SLC27A4: variants seen among roughly 807,000 people sequenced by gnomAD.
SLC27A4 encodes the protein solute carrier family 27 member 4.
Under a neutral mutation model 64.4 loss-of-function variants are expected in SLC27A4, and 33 were observed. The ratio of observed to expected loss-of-function variants is 0.51; its 90% CI spans 0.39 to 0.68. The LOEUF is 0.68. Among genes scored for constraint, SLC27A4 ranks in the 30% least tolerant of loss-of-function variants. The pLI is 0.00. For missense variants in SLC27A4, 824 were observed against 883.5 expected, an observed-to-expected ratio of 0.93 and a Z score of 0.85; for synonymous variants, 377 against 370.0, an observed-to-expected ratio of 1.02 and a Z score of -0.22.
intron 6 of SLC27A4, among the ~76,000 whole-genome samples, chr9:128,351,504 G>T (rs1278185466): frequency 6.6e-6 from 1 of 151,862 alleles, no homozygotes; most frequent in Non-Finnish European, 1.5e-5. Flanking sequence ...GGATCACGAG[G>T]TCAGGAGTTC....
In SLC27A4 at chr9:128,345,545, C is replaced by A; in HGVS notation, c.552C>A (p.Ala184=). The A allele has an allele frequency of 6.2e-7, 1 of 1,603,414 alleles. No individual in the cohort carries two copies. The highest frequency in any genetic ancestry group is 2.2e-5 in the East Asian group (1 of 44,696). ...CCCTTGTCTTTGGCAGCGAAATGGCCTCAGGTGAGCCCCAAGGGGGCGGGG... is the reference window on the plus strand; with the variant it reads ...CCCTTGTCTTTGGCAGCGAAATGGCATCAGGTGAGCCCCAAGGGGGCGGGG... ...ARALVFGSEM[A]SAICEVHASL... is the part of the protein sequence containing the mutation. The change falls in exon 3 of 13, where the codon GCC becomes GCA. Residue 184 remains alanine (A), a synonymous_variant. Transcript: ENST00000300456. The surrounding 1 kb of genome is among the most constrained non-coding windows in gnomAD (Gnocchi z 4.1).
intron 12 of SLC27A4, among the ~76,000 whole-genome samples, chr9:128,359,245 T>C (rs1483942386): frequency 6.6e-6 from 1 of 152,138 alleles, no homozygotes; most frequent in African/African-American, 2.4e-5. Context: ...TCCTAGCACT[T>C]TGGGAGGCTG....
chr9:128,345,233 T>G lies in SLC27A4; in HGVS notation c.240T>G (p.Phe80Leu), dbSNP rs1266990045. Residue 80 changes from phenylalanine (F) to leucine (L), a missense_variant, in exon 3 of 13, where the codon TTT (phenylalanine) becomes TTG (leucine). By Grantham distance (22) the Phe-to-Leu change is conservative (BLOSUM62 0). Coordinates refer to ENST00000300456, the MANE Select transcript of SLC27A4 (RefSeq NM_005094.4). This position sits in a 1 kb window ranked among gnomAD's most constrained non-coding sequence, Gnocchi z 4.1. Reference sequence around the variant, plus strand: ...AGCGGCGGACAGTGCCCATTTTGTTTGCCTCTACCGTTCGGCGCCACCCCG... The same window carrying G: ...AGCGGCGGACAGTGCCCATTTTGTTGGCCTCTACCGTTCGGCGCCACCCCG... Reference protein sequence around the residue: ...LQERRTVPILFASTVRRHPDK... With the variant: ...LQERRTVPILLASTVRRHPDK... 2 of 1,613,802 alleles carry G rather than the reference T, an allele frequency of 1.2e-6. No individual in the cohort carries two copies. Among genetic ancestry groups the G allele is most frequent in the Admixed American group, 3.3e-5 (2 of 60,006 alleles).
At chr9:128,358,761 A>G (rs1832856765) in intron 12 of SLC27A4, among the ~76,000 whole-genome samples, 1 of 152,124 alleles carries the variant, frequency 6.6e-6, no homozygotes, top group Non-Finnish European at 1.5e-5. Context: ...TTAATAATTT[A>G]AATGTAAATA....
intron 9 of SLC27A4, 35 bp from the exon 10 acceptor site, chr9:128,355,018 C>A (rs75751441): frequency 6.2e-7 from 1 of 1,601,336 alleles, no homozygotes; most frequent in Non-Finnish European, 8.5e-7. Flanking sequence ...GAGAGGCTGC[C>A]TAGGGCAGAT....
intron 1 of SLC27A4, chr9:128,342,763 TAAAA>T: frequency 3.3e-6 from 1 of 307,088 alleles, no homozygotes; most frequent in Non-Finnish European, 6.3e-6. Flanking sequence ...TTTAAAAACT[TAAAA>T]AAAAAAAGAA....
intron 4 of SLC27A4, among the ~76,000 whole-genome samples, chr9:128,349,135 C>A (rs1832699066): frequency 6.6e-6 from 1 of 152,142 alleles, no homozygotes; most frequent in Admixed American, 6.5e-5. Flanking sequence ...CAGCTGTGAT[C>A]CTCTCCCAGC....
Position 128,340,725 on chromosome 9 carries a change from C to T in SLC27A4, c.-120C>T, listed in dbSNP as rs575118505. 2 of 622,474 alleles carry T rather than the reference C, an allele frequency of 3.2e-6. No individual in the cohort carries two copies. The highest frequency in any genetic ancestry group is 3.4e-5 in the East Asian group (1 of 29,824). 38.6% of individuals were successfully genotyped at this position (622,474 alleles called of 1,614,324 possible). ...ATGCAGGGCGCAGAGCCGGCTAAAC[C>T]CTGCTGAGACCCGGCTCCGTGCGTC... On this transcript the variant is annotated 5_prime_UTR_variant, in exon 1 of 13. Transcript: ENST00000300456.
intron 10 of SLC27A4, 63 bp downstream of exon 10, chr9:128,355,253 C>T (rs1832800005): frequency 1.2e-6 from 2 of 1,604,318 alleles, no homozygotes; most frequent in East Asian, 4.5e-5. Flanking sequence ...CCTTCTCCCA[C>T]CTCCAGAGGA....
In SLC27A4 at chr9:128,355,803, C is replaced by T. The variant is rs1290923369; in HGVS notation, c.1774+7C>T. 1.2e-6 allele frequency: 2 copies of T among 1,612,804 alleles called. No individual in the cohort carries two copies. Among genetic ancestry groups the T allele is most frequent in the Non-Finnish European group, 1.7e-6 (2 of 1,180,028 alleles). The stretch of plus-strand genomic sequence containing the variant: ...CCTGAGCTGCACAAAACAGGTGTGT[C>T]CCTCCCCTGCTCCAGCTCTCGGATC... On this transcript the variant is annotated splice_region_variant and intron_variant, in intron 12 of 12. Coordinates refer to ENST00000300456, the MANE Select transcript of SLC27A4 (RefSeq NM_005094.4).
Position 128,348,616 on chromosome 9 carries a change from G to A in SLC27A4, c.628G>A (p.Ala210Thr). Reference sequence around the variant, plus strand: ...CTGCTCTGGCTCCTGGGAGCCCGGTGCGGTGCCTCCAAGCACAGAACACCT... The same window carrying A: ...CTGCTCTGGCTCCTGGGAGCCCGGTACGGTGCCTCCAAGCACAGAACACCT... ...LFCSGSWEPG[A>T]VPPSTEHLDP... The change falls in exon 4 of 13, where the codon GCG (alanine) becomes ACG (threonine). Residue 210 changes from alanine to threonine, a missense_variant. Ala to Thr is a moderately conservative substitution (Grantham distance 58, BLOSUM62 0). Transcript: ENST00000300456. The A allele has an allele frequency of 6.2e-7, 1 of 1,613,826 alleles. No individual in the cohort carries two copies. The highest frequency in any genetic ancestry group is 1.3e-5 in the African/African-American group (1 of 75,048).
At position 128,345,369 on chromosome 9, in the gene SLC27A4, G is replaced by A; in HGVS notation, c.376G>A (p.Gly126Ser). 6.2e-7 allele frequency: 1 copy of A among 1,613,760 alleles called. No homozygotes were observed. Among genetic ancestry groups the A allele is most frequent in the Non-Finnish European group, 8.5e-7 (1 of 1,179,992 alleles). ...CCTGCAGGCCCGGGGCCTGGCCTCGGGCGATGTGGCTGCCATCTTCATGGA... is the reference window on the plus strand; with the variant it reads ...CCTGCAGGCCCGGGGCCTGGCCTCGAGCGATGTGGCTGCCATCTTCATGGA... ...NFLQARGLAS[G>S]DVAAIFMENR... Residue 126 changes from glycine (G) to serine (S), a missense_variant, in exon 3 of 13, where the codon GGC becomes AGC. Coordinates refer to ENST00000300456, the MANE Select transcript of SLC27A4 (RefSeq NM_005094.4). This position sits in a 1 kb window ranked among gnomAD's most constrained non-coding sequence, Gnocchi z 4.1.
In SLC27A4 at chr9:128,352,699, G is replaced by A. The variant is rs781434521; in HGVS notation, c.939G>A (p.Lys313=). 1.2e-6 allele frequency: 2 copies of A among 1,614,224 alleles called. No homozygotes were observed. Among genetic ancestry groups the A allele is most frequent in the Non-Finnish European group, 1.7e-6 (2 of 1,180,030 alleles). Residue 313 remains lysine (K), a synonymous_variant, in exon 7 of 13, where the codon AAG becomes AAA. Coordinates refer to ENST00000300456, the MANE Select transcript of SLC27A4 (RefSeq NM_005094.4). ...GCATGACGGTGGTGATTCGGAAGAA[G>A]TTCTCAGCCTCCCGGTTCTGGGACG... ...LHGMTVVIRK[K]FSASRFWDDC...
rs1282911124 is a variant in SLC27A4 at position 128,340,810 on chromosome 9, G to C, written c.-35G>C. 7.3e-6 allele frequency: 5 copies of C among 686,270 alleles called. No homozygotes were observed. The East Asian group carries it at 8.7e-5, about 12-fold the overall frequency. 42.5% of individuals were successfully genotyped at this position (686,270 alleles called of 1,614,324 possible). A position where few individuals can be genotyped will look rare whatever the true frequency, so the allele number is the denominator to read the frequency against. On this transcript the variant is annotated 5_prime_UTR_variant, in exon 1 of 13. Coordinates refer to ENST00000300456, the MANE Select transcript of SLC27A4 (RefSeq NM_005094.4). ...TGCTGCAACCGGGCCGCATCTGGAC[G>C]GGGCGCCGCGCGGCGGAGCCGACGC...
At position 128,345,159 on chromosome 9, in the gene SLC27A4, G is replaced by A. The variant is rs1260284783; in HGVS notation, c.166G>A (p.Gly56Ser). Residue 56 changes from glycine (G) to serine (S), a missense_variant, in exon 3 of 13, where the codon GGC (glycine) becomes AGC (serine). Coordinates refer to ENST00000300456, the MANE Select transcript of SLC27A4 (RefSeq NM_005094.4). The surrounding 1 kb of genome is among the most constrained non-coding windows in gnomAD (Gnocchi z 4.1). ...IKTIRRDIFGGLVLLKVKAKV... is the reference protein window; with the variant it reads ...IKTIRRDIFGSLVLLKVKAKV... The stretch of plus-strand genomic sequence containing the variant: ...CCCTCTCTTGTTCACACACAGTGGC[G>A]GCCTGGTCCTCCTGAAGGTGAAGGC... The A allele has an allele frequency of 1.5e-5, 25 of 1,613,184 alleles. No individual in the cohort carries two copies. The highest frequency in any genetic ancestry group is 2.2e-5 in the East Asian group (1 of 44,876).
Position 128,350,314 on chromosome 9 carries a change from A to G in SLC27A4, c.718A>G (p.Lys240Glu). The G allele has an allele frequency of 6.2e-7, 1 of 1,612,792 alleles. No homozygotes were observed. Residue 240 changes from lysine (K) to glutamate (E), a missense_variant and splice_region_variant, in exon 5 of 13, where the codon AAA becomes GAA. Transcript: ENST00000300456. ...PSCPDKGFTD[K>E]LFYIYTSGTT... ...CCACTCGCGTCTGTTTTCTTTAGATAAACTGTTCTACATCTACACATCCGG... is the reference window on the plus strand; with the variant it reads ...CCACTCGCGTCTGTTTTCTTTAGATGAACTGTTCTACATCTACACATCCGG...
rs1470157788 is a variant in SLC27A4 at position 128,345,545 on chromosome 9, C to G, written c.552C>G (p.Ala184=). 1 of 1,603,416 alleles carries G rather than the reference C, an allele frequency of 6.2e-7. No homozygotes were observed. Among genetic ancestry groups the G allele is most frequent in the Non-Finnish European group, 8.5e-7 (1 of 1,176,782 alleles). ...ARALVFGSEM[A]SAICEVHASL... is the part of the protein sequence containing the mutation. ...CCCTTGTCTTTGGCAGCGAAATGGC[C>G]TCAGGTGAGCCCCAAGGGGGCGGGG... Residue 184 remains alanine, a synonymous_variant, in exon 3 of 13, where the codon GCC becomes GCG. Coordinates refer to ENST00000300456, the MANE Select transcript of SLC27A4 (RefSeq NM_005094.4). The surrounding 1 kb of genome is among the most constrained non-coding windows in gnomAD (Gnocchi z 4.1).
In SLC27A4 at chr9:128,353,287, G is replaced by T. The variant is rs1291795278; in HGVS notation, c.1197+53G>T. ...CTGCTGCAGGGATGGCCCACAGAAG[G>T]CACTGGATGCAGAGGGGAGGGCAGA... is the stretch of plus-strand genomic sequence containing the variant. On this transcript the variant is annotated intron_variant, in intron 8 of 12. Transcript: ENST00000300456. This position sits in a 1 kb window ranked among gnomAD's most constrained non-coding sequence, Gnocchi z 4.9. 4.4e-6 allele frequency: 7 copies of T among 1,608,158 alleles called. No individual in the cohort carries two copies.
At chr9:128,342,244 C>A (rs549254900) in intron 1 of SLC27A4, 1 of 1,610,724 alleles carries the variant, frequency 6.2e-7, no homozygotes, top group South Asian at 1.1e-5. Context: ...GTCTGACAAA[C>A]CCGATATGGC....
Sources: gnomAD v4.1 joint callset for allele counts (sites outside exome capture counted in the v4.1 genomes callset) on GRCh38, gnomAD v4.1.1 for gene constraint, Gnocchi (gnomAD v3.1) non-coding constraint, MANE v1.5 for transcripts, NCBI Gene and HGNC (gene_info 2026-07-23, HGNC 2026-07-21) for gene names.